Variants in MYO18A observed in about 807,000 individuals in gnomAD.
MYO18A encodes unconventional myosin-XVIIIa.
A neutral mutation model predicts 235.8 loss-of-function variants in MYO18A; 78 were observed. The observed-to-expected ratio is 0.33, with a 90% CI of 0.28 to 0.40. MYO18A has a LOEUF of 0.40. Ranked by LOEUF, MYO18A falls within the 10% of genes least tolerant of loss-of-function variation. MYO18A has a pLI of 1.00. For missense variants in MYO18A, 2,215 were observed against 2,699.3 expected, an observed-to-expected ratio of 0.82 and a Z score of 3.98; for synonymous variants, 977 against 1,077.8, an observed-to-expected ratio of 0.91 and a Z score of 1.83.
chr17:29,165,748 C>T (rs536187955), intron 2 of MYO18A, among the ~76,000 whole-genome samples, 194 bp downstream of exon 2: 1 of 152,158 alleles, frequency 6.6e-6, no homozygotes, highest in Non-Finnish European at 1.5e-5. Flanking sequence ...GGTGGCACCC[C>T]CAGAGGATTA....
rs1263276269 is a variant in MYO18A at position 29,114,010 on chromosome 17, C to T, written c.2598+1G>A. On this transcript the variant is annotated splice_donor_variant, in intron 15 of 41. Coordinates refer to ENST00000527372, the MANE Select transcript of MYO18A (RefSeq NM_078471.4). LOFTEE classifies it high-confidence loss of function. Reference sequence around the variant, plus strand: ...GCCCAAACCCTCTCTGGAGCTCCTACCAGGGACTGATGGGAGGCCTGGTCC... The same window carrying T: ...GCCCAAACCCTCTCTGGAGCTCCTATCAGGGACTGATGGGAGGCCTGGTCC... The T allele has an allele frequency of 6.3e-7, 1 of 1,592,020 alleles. No homozygotes were observed. Among genetic ancestry groups the T allele is most frequent in the South Asian group, 1.1e-5 (1 of 87,184 alleles).
intron 2 of MYO18A, among the ~76,000 whole-genome samples, chr17:29,156,096 G>C (rs1226184662): frequency 6.6e-6 from 1 of 152,210 alleles, no homozygotes; most frequent in Admixed American, 6.5e-5. Flanking sequence ...GCTGTCCCCA[G>C]GCTCCAGCTG....
intron 2 of MYO18A, chr17:29,129,077 A>G (rs2067397321): frequency 7.8e-7 from 1 of 1,289,234 alleles, no homozygotes; most frequent in African/African-American, 1.5e-5. Flanking sequence ...TGGTCCTTCC[A>G]TCACCTGTTT....
At chr17:29,156,638 A>C (rs1464302477) in intron 2 of MYO18A, among the ~76,000 whole-genome samples, 1 of 152,268 alleles carries the variant, frequency 6.6e-6, no homozygotes, top group Non-Finnish European at 1.5e-5. Context: ...TCCTGAGTAC[A>C]GAACCATCTC....
chr17:29,103,786 G>A (rs1335425863), intron 20 of MYO18A, 122 bp from the exon 21 acceptor site: 37 of 882,916 alleles, frequency 4.2e-5, no homozygotes, highest in Admixed American at 2.8e-4. Flanking sequence ...ATGCACTTGC[G>A]TGGGCTTCCT....
At chr17:29,150,920 T>C (rs75459653) in intron 2 of MYO18A, among the ~76,000 whole-genome samples, 4,106 of 152,246 alleles carry the variant, frequency 0.027, 86 homozygotes, top group Non-Finnish European at 0.04. Context: ...AGGGCTAGTT[T>C]TGGCTGCAGG....
At chr17:29,085,359 C>A (rs533136980) in intron 40 of MYO18A, among the ~76,000 whole-genome samples, 4 of 152,312 alleles carry the variant, frequency 2.6e-5, no homozygotes, top group East Asian at 1.9e-4. Flanking sequence ...CGGCAGGAGC[C>A]CCCCCATCCT....
chr17:29,093,219 AC>A (rs2066441568), intron 32 of MYO18A, 103 bp downstream of exon 32: 10 of 1,151,440 alleles, frequency 8.7e-6, no homozygotes, highest in Non-Finnish European at 1.2e-5. Flanking sequence ...CAGCACCCCC[AC>A]CCCCGACAGC....
rs773583781 is a variant in MYO18A, at chr17:29,166,773, G to C, written c.168C>G (p.Ser56=). 20 of 1,613,076 alleles carry C rather than the reference G, an allele frequency of 1.2e-5. No homozygotes were observed. In the Admixed American group the frequency reaches 3.0e-4, roughly 24 times the overall value. Residue 56 remains serine (S), a synonymous_variant, in exon 2 of 42, where the codon TCC becomes TCG. Transcript: ENST00000527372. ...FNLNRSSKRE[S]KTRLEISNPI... ...GGTTGGAGATTTCCAGGCGCGTCTT[G>C]GATTCACGCTTGGAGGAGCGGTTCA...
intron 2 of MYO18A, among the ~76,000 whole-genome samples, chr17:29,128,739 A>T (rs1198115894): frequency 6.6e-6 from 1 of 152,162 alleles, no homozygotes; most frequent in African/African-American, 2.4e-5. Context: ...TGCAGCTAAG[A>T]GTCTGGCTTC....
At chr17:29,115,166 C>T (rs2067027250) in intron 13 of MYO18A, 67 bp from the exon 14 acceptor site, 2 of 1,520,532 alleles carry the variant, frequency 1.3e-6, no homozygotes, top group Non-Finnish European at 1.8e-6. Context: ...CCCCACCCTG[C>T]CCAAGCCAGA....
intron 2 of MYO18A, among the ~76,000 whole-genome samples, chr17:29,148,582 TTGTGTGTGTG>T (rs10535921): frequency 1.2e-4 from 18 of 148,758 alleles, no homozygotes; most frequent in Non-Finnish European, 1.8e-4. Flanking sequence ...CTTTATTCTT[TTGTGTGTGTG>T]TGTGTGTGTG....
At chr17:29,145,745 A>G (rs368883208) in intron 2 of MYO18A, among the ~76,000 whole-genome samples, 163 of 152,342 alleles carry the variant, frequency 1.1e-3, no homozygotes, top group African/African-American at 3.6e-3. Context: ...TGTACAGATC[A>G]GCAGAGGAGA....
intron 37 of MYO18A, 48 bp downstream of exon 37, chr17:29,089,913 G>C (rs1408015463): frequency 1.2e-6 from 2 of 1,611,438 alleles, no homozygotes; most frequent in Non-Finnish European, 1.7e-6. Context: ...TCCAGCGCTG[G>C]GGCAGCTCTG....
At chr17:29,165,824 C>G in intron 2 of MYO18A, 118 bp downstream of exon 2, 2 of 972,592 alleles carry the variant, frequency 2.1e-6, no homozygotes, top group South Asian at 3.4e-5. Flanking sequence ...CAGGGCTTCC[C>G]CACTTACACA....
chr17:29,125,777 G>A lies in MYO18A; in HGVS notation c.1000-3524C>T. The A allele has an allele frequency of 2.9e-6, 1 of 339,212 alleles. No individual in the cohort carries two copies. Among genetic ancestry groups the A allele is most frequent in the Non-Finnish European group, 4.2e-6 (1 of 238,146 alleles). 21.0% of individuals were successfully genotyped at this position (339,212 alleles called of 1,614,324 possible). ...GAGAGCCCAACATGAGGGCCCACAG[G>A]CCGCCATGGAGCCATCTTCATGGTC... On this transcript the variant is annotated intron_variant, in intron 2 of 41. Coordinates refer to ENST00000527372, the MANE Select transcript of MYO18A (RefSeq NM_078471.4). The surrounding 1 kb of genome is among the most constrained non-coding windows in gnomAD (Gnocchi z 5.1).
In MYO18A at chr17:29,074,219, G is replaced by T; in HGVS notation, c.*551C>A. The T allele has an allele frequency of 6.4e-7, 1 of 1,571,096 alleles. No individual in the cohort carries two copies. Among genetic ancestry groups the T allele is most frequent in the African/African-American group, 1.3e-5 (1 of 74,250 alleles). On this transcript the variant is annotated 3_prime_UTR_variant, in exon 42 of 42. Transcript: ENST00000527372. This position sits in a 1 kb window ranked among gnomAD's most constrained non-coding sequence, Gnocchi z 4.4. ...TGACATTCCCGAGTCGTTCTTGGGAGCCCCAGCTACCACTACAGCCCCCTC... is the reference window on the plus strand; with the variant it reads ...TGACATTCCCGAGTCGTTCTTGGGATCCCCAGCTACCACTACAGCCCCCTC...
At chr17:29,086,737 GT>G in intron 38 of MYO18A, 160 bp from the exon 39 acceptor site, 1 of 1,182,476 alleles carries the variant, frequency 8.5e-7, no homozygotes, top group Non-Finnish European at 1.2e-6. Flanking sequence ...GGGCTGTGGG[GT>G]CCAAGCCTCA....
At position 29,125,784 on chromosome 17, in the gene MYO18A, T is replaced by C. The variant is rs893040136; in HGVS notation, c.1000-3531A>G. On this transcript the variant is annotated intron_variant, in intron 2 of 41. Coordinates refer to ENST00000527372, the MANE Select transcript of MYO18A (RefSeq NM_078471.4). The surrounding 1 kb of genome is among the most constrained non-coding windows in gnomAD (Gnocchi z 5.1). Reference sequence around the variant, plus strand: ...CAACATGAGGGCCCACAGGCCGCCATGGAGCCATCTTCATGGTCAGCGCGC... The same window carrying C: ...CAACATGAGGGCCCACAGGCCGCCACGGAGCCATCTTCATGGTCAGCGCGC... The C allele has an allele frequency of 1.0e-4, 40 of 397,112 alleles. No homozygotes were observed. The highest frequency in any genetic ancestry group is 1.3e-4 in the Non-Finnish European group (38 of 291,092). The allele number at this position is 397,112 out of a possible 1,614,324, so 24.6% of individuals were successfully genotyped here. A position where few individuals can be genotyped will look rare whatever the true frequency, so the allele number is the denominator to read the frequency against.
Sources: gnomAD v4.1 joint callset for allele counts (sites outside exome capture counted in the v4.1 genomes callset) on GRCh38, gnomAD v4.1.1 for gene constraint, Gnocchi (gnomAD v3.1) non-coding constraint, MANE v1.5 for transcripts, NCBI Gene and HGNC (gene_info 2026-07-23, HGNC 2026-07-21) for gene names.